KCNH5: variants seen among roughly 807,000 people sequenced by gnomAD.
The protein encoded by KCNH5 is potassium voltage-gated channel subfamily H member 5.
Under a neutral mutation model 96.1 loss-of-function variants are expected in KCNH5, and 46 were observed. The ratio of observed to expected loss-of-function variants is 0.48; its 90% CI spans 0.38 to 0.61. The LOEUF (loss-of-function observed/expected upper bound fraction) is 0.61, where lower values mean the gene tolerates loss of function less well. Among genes scored for constraint, KCNH5 ranks in the 20% least tolerant of loss-of-function variants. The probability of loss-of-function intolerance (pLI) is 0.00; values close to 1 mark genes in which losing one functional copy is unlikely to be tolerated. For missense variants in KCNH5, 907 were observed against 1,225.8 expected, an observed-to-expected ratio of 0.74 and a Z score of 3.88; for synonymous variants, 439 against 449.8, an observed-to-expected ratio of 0.98 and a Z score of 0.30.
intron 10 of KCNH5, among the ~76,000 whole-genome samples, chr14:62,747,930 G>C (rs1327965321): frequency 6.6e-6 from 1 of 152,156 alleles, no homozygotes; most frequent in African/African-American, 2.4e-5. Flanking sequence ...TATTATCTTA[G>C]GCAAGTGTAG....
rs762691525 is a variant in KCNH5, at chr14:62,707,838, C to T, written c.2637G>A (p.Gly879=). The T allele has an allele frequency of 1.2e-6, 2 of 1,614,072 alleles. No individual in the cohort carries two copies. Among genetic ancestry groups the T allele is most frequent in the Admixed American group, 3.3e-5 (2 of 60,006 alleles). ...TGTGCTCTAGCGGACTTCGGGCCTCCCCAGCCTTATCCAAACGAAGGTCAC... is the reference window on the plus strand; with the variant it reads ...TGTGCTCTAGCGGACTTCGGGCCTCTCCAGCCTTATCCAAACGAAGGTCAC... ...TKSDLRLDKA[G]EARSPLEHSP... is the part of the protein sequence containing the mutation. Residue 879 remains glycine (G), a synonymous_variant, in exon 11 of 11, where the codon GGG becomes GGA. Transcript: ENST00000322893.
intron 2 of KCNH5, among the ~76,000 whole-genome samples, chr14:63,014,280 C>G (rs1411310692): frequency 6.6e-6 from 1 of 152,002 alleles, no homozygotes; most frequent in Non-Finnish European, 1.5e-5. Context: ...GTATGCTATC[C>G]AGAGCATGTG....
At chr14:62,785,923 T>C (rs1180718860) in intron 9 of KCNH5, among the ~76,000 whole-genome samples, 1 of 152,226 alleles carries the variant, frequency 6.6e-6, no homozygotes, top group Non-Finnish European at 1.5e-5. Context: ...CAGGGCACGG[T>C]GGCTCATGCC....
chr14:62,921,819 T>TA (rs773747679), intron 7 of KCNH5, among the ~76,000 whole-genome samples: 22 of 152,132 alleles, frequency 1.4e-4, no homozygotes, highest in Non-Finnish European at 2.6e-4. Context: ...TCTTTTTATC[T>TA]AACAGCCTTG....
chr14:62,902,225 CAT>C (rs1888942021), intron 7 of KCNH5, among the ~76,000 whole-genome samples: 1 of 151,700 alleles, frequency 6.6e-6, no homozygotes, highest in Non-Finnish European at 1.5e-5. Flanking sequence ...CATTAGTTCC[CAT>C]GTGTCAATTT....
chr14:62,728,023 T>G (rs1198503260), intron 10 of KCNH5, among the ~76,000 whole-genome samples: 1 of 149,550 alleles, frequency 6.7e-6, no homozygotes, highest in Non-Finnish European at 1.5e-5. Context: ...GCAGCTGAAT[T>G]GTATGCTTAT....
At chr14:62,893,742 T>G (rs1039065466) in intron 7 of KCNH5, among the ~76,000 whole-genome samples, 34 of 138,946 alleles carry the variant, frequency 2.4e-4, no homozygotes, top group Admixed American at 1.9e-3. Context: ...AGAGCGAGAC[T>G]CCAACTCAAA....
At chr14:62,737,096 C>A (rs1885174542) in intron 10 of KCNH5, among the ~76,000 whole-genome samples, 1 of 152,292 alleles carries the variant, frequency 6.6e-6, no homozygotes, top group East Asian at 1.9e-4. Flanking sequence ...AATTATCCTA[C>A]ATACAATTGC....
chr14:63,037,829 G>C (rs989913809), intron 1 of KCNH5, among the ~76,000 whole-genome samples: 1 of 152,180 alleles, frequency 6.6e-6, no homozygotes, highest in Non-Finnish European at 1.5e-5. Flanking sequence ...ACTTAAGCAG[G>C]TAAGGATTGA....
intron 8 of KCNH5, among the ~76,000 whole-genome samples, chr14:62,828,729 A>G (rs1887279429): frequency 6.6e-6 from 1 of 152,054 alleles, no homozygotes; most frequent in Non-Finnish European, 1.5e-5. Context: ...CACAGACCCA[A>G]AGCATATCAT....
chr14:62,887,373 G>A (rs899418853), intron 7 of KCNH5, among the ~76,000 whole-genome samples: 7 of 152,152 alleles, frequency 4.6e-5, no homozygotes, highest in Non-Finnish European at 7.4e-5. Flanking sequence ...AAGATGTAAA[G>A]TTATGTAGCT....
intron 8 of KCNH5, among the ~76,000 whole-genome samples, chr14:62,803,393 A>G (rs970511911): frequency 3.3e-5 from 5 of 152,186 alleles, no homozygotes; most frequent in Admixed American, 2.0e-4. Context: ...CACTCTTGAT[A>G]TATTTTTTTC....
intron 3 of KCNH5, among the ~76,000 whole-genome samples, chr14:63,003,509 ATATAT>A (rs531804935): frequency 8.4e-6 from 1 of 119,250 alleles, no homozygotes; most frequent in African/African-American, 3.5e-5. Context: ...TATATTTTAT[ATATAT>A]TTTATATATT....
At chr14:62,893,889 G>A (rs1888759349) in intron 7 of KCNH5, among the ~76,000 whole-genome samples, 1 of 152,200 alleles carries the variant, frequency 6.6e-6, no homozygotes, top group Admixed American at 6.5e-5. Context: ...TGTGAAGACT[G>A]CATGCAAACG....
At chr14:62,709,714 C>A (rs1884529645) in intron 10 of KCNH5, among the ~76,000 whole-genome samples, 1 of 152,026 alleles carries the variant, frequency 6.6e-6, no homozygotes, top group Non-Finnish European at 1.5e-5. Context: ...CTTATGATAA[C>A]CCCATCAGAA....
intron 7 of KCNH5, among the ~76,000 whole-genome samples, chr14:62,874,261 A>C (rs76510363): frequency 0.015 from 2,246 of 152,248 alleles, 73 homozygotes; most frequent in African/African-American, 0.051. Flanking sequence ...ATTGACAAGA[A>C]CTTAAACAAA....
chr14:62,823,842 G>A (rs1033742838), intron 8 of KCNH5, among the ~76,000 whole-genome samples: 30 of 151,714 alleles, frequency 2.0e-4, no homozygotes, highest in African/African-American at 6.3e-4. Context: ...TATTTCATAC[G>A]TTTTCCCCTT....
chr14:62,989,200 A>G (rs190861001), intron 4 of KCNH5, among the ~76,000 whole-genome samples: 4 of 152,140 alleles, frequency 2.6e-5, no homozygotes, highest in Non-Finnish European at 4.4e-5. Flanking sequence ...AGTTCTTTCT[A>G]AAACACATGC....
intron 7 of KCNH5, among the ~76,000 whole-genome samples, chr14:62,870,351 T>G (rs185064964): frequency 1.3e-5 from 2 of 152,212 alleles, no homozygotes; most frequent in African/African-American, 4.8e-5. Flanking sequence ...TTACCTGCTA[T>G]ATATACAAAT....
Sources: allele counts gnomAD v4.1 joint callset (sites outside exome capture counted in the v4.1 genomes callset), GRCh38; gene constraint gnomAD v4.1.1; transcripts MANE v1.5; gene names NCBI Gene and HGNC (gene_info 2026-07-23, HGNC 2026-07-21).